THADA: variants seen among roughly 807,000 people sequenced by gnomAD.
THADA encodes the protein THADA armadillo repeat containing, also known as tRNA (32-2'-O)-methyltransferase regulator THADA.
THADA carries 213 observed loss-of-function variants against 219.8 expected under a neutral mutation model. The observed-to-expected ratio is 0.97, with a 90% CI of 0.87 to 1.09. The LOEUF is 1.09. THADA is among the 50% of genes least tolerant of loss of function. The probability of loss-of-function intolerance (pLI) is 0.00; values close to 1 mark genes in which losing one functional copy is unlikely to be tolerated. For missense variants in THADA, 2,956 were observed against 2,311.3 expected, an observed-to-expected ratio of 1.28 and a Z score of -5.72; for synonymous variants, 1,018 against 828.9, an observed-to-expected ratio of 1.23 and a Z score of -3.92.
At chr2:43,355,007 T>G (rs541731983) in intron 29 of THADA, among the ~76,000 whole-genome samples, 21 of 152,286 alleles carry the variant, frequency 1.4e-4, no homozygotes, top group African/African-American at 5.1e-4. Context: ...TTGTTAAGTT[T>G]CCTGAGGTCT....
intron 25 of THADA, among the ~76,000 whole-genome samples, chr2:43,495,603 G>C (rs1019200025): frequency 6.6e-6 from 1 of 151,434 alleles, no homozygotes; most frequent in African/African-American, 2.4e-5. Context: ...ACTGTTTAGG[G>C]TCTCAAAAAA....
chr2:43,281,882 G>GC (rs755625585), intron 35 of THADA, among the ~76,000 whole-genome samples: 3 of 152,112 alleles, frequency 2.0e-5, no homozygotes, highest in Non-Finnish European at 4.4e-5. Context: ...GAATTCTCCT[G>GC]CCTTAGCCTC....
At chr2:43,507,835 G>A (rs2105093466) in intron 23 of THADA, among the ~76,000 whole-genome samples, 1 of 152,250 alleles carries the variant, frequency 6.6e-6, no homozygotes, top group Middle Eastern at 3.4e-3. Context: ...GAAGGTAACA[G>A]TCTTAATTTC....
chr2:43,551,718 G>GAAA, intron 19 of THADA, 71 bp downstream of exon 19: 1 of 1,172,454 alleles, frequency 8.5e-7, no homozygotes, highest in Non-Finnish European at 1.1e-6. Flanking sequence ...AATACTTGGG[G>GAAA]AAAAAAAAAA....
chr2:43,486,889 C>T (rs948931139), intron 25 of THADA, among the ~76,000 whole-genome samples: 1 of 152,112 alleles, frequency 6.6e-6, no homozygotes, highest in East Asian at 1.9e-4. Flanking sequence ...CAGTGGTAGG[C>T]TAGTTTGTCC....
chr2:43,243,928 T>C (rs1034546535), intron 36 of THADA, among the ~76,000 whole-genome samples: 3 of 152,224 alleles, frequency 2.0e-5, no homozygotes, highest in African/African-American at 7.2e-5. Flanking sequence ...GACTGCCTGA[T>C]GTAAACATGT....
At chr2:43,318,719 GTTAAGTTAT>G (rs1269211127) in intron 31 of THADA, among the ~76,000 whole-genome samples, 2 of 152,104 alleles carry the variant, frequency 1.3e-5, no homozygotes, top group Non-Finnish European at 2.9e-5. Context: ...GTGAAATACT[GTTAAGTTAT>G]TAAACACAGC....
chr2:43,261,757 C>T (rs1259323563), intron 36 of THADA, among the ~76,000 whole-genome samples: 1 of 151,856 alleles, frequency 6.6e-6, no homozygotes, highest in African/African-American at 2.4e-5. Flanking sequence ...TTGCTTCAGC[C>T]TCCCACGTAG....
At chr2:43,463,113 G>A (rs1039789839) in intron 26 of THADA, 2 of 152,102 alleles carry the variant, frequency 1.3e-5, no homozygotes, top group African/African-American at 4.8e-5. Flanking sequence ...TCTGTTCTTT[G>A]GTCATAACAG....
At chr2:43,346,986 G>A (rs189666144) in intron 29 of THADA, among the ~76,000 whole-genome samples, 19 of 152,240 alleles carry the variant, frequency 1.2e-4, no homozygotes, top group Admixed American at 1.2e-3. Flanking sequence ...CATTCCCTTG[G>A]GTTTTGTGAG....
intron 31 of THADA, among the ~76,000 whole-genome samples, chr2:43,309,362 C>T (rs1677229807): frequency 6.6e-6 from 1 of 151,734 alleles, no homozygotes; most frequent in Admixed American, 6.6e-5. Context: ...GAAATGAAAA[C>T]ATATGACCGA....
intron 36 of THADA, among the ~76,000 whole-genome samples, chr2:43,263,393 G>C (rs1422707785): frequency 6.6e-6 from 1 of 152,110 alleles, no homozygotes; most frequent in African/African-American, 2.4e-5. Context: ...CTGGGTGGGT[G>C]GGTGATTGGG....
At chr2:43,474,456 T>C (rs1156676171) in intron 26 of THADA, among the ~76,000 whole-genome samples, 4 of 152,174 alleles carry the variant, frequency 2.6e-5, no homozygotes, top group Non-Finnish European at 4.4e-5. Flanking sequence ...TCAAGTGTTA[T>C]CTCTCCTCCT....
At chr2:43,258,473 G>T (rs1250117351) in intron 36 of THADA, among the ~76,000 whole-genome samples, 2 of 152,176 alleles carry the variant, frequency 1.3e-5, no homozygotes, top group East Asian at 3.8e-4. Flanking sequence ...GGTGAGCCGA[G>T]ATCGTGCCAT....
chr2:43,505,537 A>C (rs1689556934), intron 24 of THADA, 85 bp downstream of exon 24: 3 of 1,016,944 alleles, frequency 3.0e-6, no homozygotes, highest in African/African-American at 3.3e-5. Flanking sequence ...CTGGGTAACA[A>C]GACGGTAACA....
At chr2:43,453,098 C>T (rs1386103183) in intron 26 of THADA, among the ~76,000 whole-genome samples, 1 of 152,104 alleles carries the variant, frequency 6.6e-6, no homozygotes, top group Non-Finnish European at 1.5e-5. Flanking sequence ...AACAAAAAAC[C>T]CAAGTAGTCA....
chr2:43,581,629 AT>A (rs1700468833), intron 8 of THADA, 111 bp downstream of exon 8: 1 of 919,440 alleles, frequency 1.1e-6, no homozygotes, highest in South Asian at 1.7e-5. Context: ...GTAAGGACAC[AT>A]TCCACATCTC....
intron 28 of THADA, 101 bp from the exon 29 acceptor site, chr2:43,398,240 G>C: frequency 8.0e-7 from 1 of 1,256,440 alleles, no homozygotes; most frequent in African/African-American, 1.5e-5. Context: ...AACATCCAGG[G>C]GTTAGGGGGA....
At chr2:43,242,253 A>G (rs536397979) in intron 36 of THADA, among the ~76,000 whole-genome samples, 1 of 152,308 alleles carries the variant, frequency 6.6e-6, no homozygotes, top group South Asian at 2.1e-4. Flanking sequence ...TTAGCACTTG[A>G]CTGTGGTCTT....
Sources: allele counts gnomAD v4.1 joint callset (sites outside exome capture counted in the v4.1 genomes callset), GRCh38; gene constraint gnomAD v4.1.1; transcripts MANE v1.5; gene names NCBI Gene and HGNC (gene_info 2026-07-23, HGNC 2026-07-21).